SETD1B: variants seen among roughly 807,000 people sequenced by gnomAD.
The protein encoded by SETD1B is histone-lysine N-methyltransferase SETD1B.
Under a neutral mutation model 148.0 loss-of-function variants are expected in SETD1B, and 7 were observed. The observed-to-expected ratio is 0.05, with a 90% CI of 0.03 to 0.09. The LOEUF (loss-of-function observed/expected upper bound fraction) is 0.09. Ranked by LOEUF, SETD1B falls within the 10% of genes least tolerant of loss-of-function variation. The pLI is 1.00. For missense variants in SETD1B, 2,155 were observed against 2,729.9 expected, an observed-to-expected ratio of 0.79 and a Z score of 4.69; for synonymous variants, 1,361 against 1,186.5, an observed-to-expected ratio of 1.15 and a Z score of -3.02.
At chr12:121,816,606 A>G (rs1415701777) in intron 7 of SETD1B, among the ~76,000 whole-genome samples, 1 of 152,262 alleles carries the variant, frequency 6.6e-6, no homozygotes, top group African/African-American at 2.4e-5. Context: ...AAGGCAGAGC[A>G]TTTCAGAACC....
intron 16 of SETD1B, 116 bp downstream of exon 16, chr12:121,828,186 C>G: frequency 7.2e-7 from 1 of 1,386,960 alleles, no homozygotes; most frequent in Non-Finnish European, 9.7e-7. Context: ...TTCCCAAGCT[C>G]AGGTTGGCCA....
chr12:121,820,010 C>A, intron 11 of SETD1B, 115 bp downstream of exon 11: 1 of 884,810 alleles, frequency 1.1e-6, no homozygotes. Context: ...CTCAGTTTCC[C>A]GTGTAAAACG....
the SETD1B span, among the ~76,000 whole-genome samples, chr12:121,792,832 G>A: frequency 6.6e-6 from 1 of 152,252 alleles, no homozygotes; most frequent in Non-Finnish European, 1.5e-5. Context: ...AGGTAGCGCA[G>A]CAATCCTGGA....
rs779883313 is a variant in SETD1B at position 121,810,434 on chromosome 12, G to T, written c.1489G>T (p.Asp497Tyr). ...CCCTGCAGGGCCAGAGAAACCCCAC[G>T]ACAGCCTGGACTCGCGCATCGAGAT... ...SSPAGPEKPH[D>Y]SLDSRIEMLL... Residue 497 changes from aspartate (D) to tyrosine (Y), a missense_variant, in exon 6 of 17, where the codon GAC (aspartate) becomes TAC (tyrosine). This residue lies in a region of SETD1B where 376 missense variants were observed against 385.0 expected (regional missense o/e 0.98). Transcript: ENST00000604567. The surrounding 1 kb of genome is among the most constrained non-coding windows in gnomAD (Gnocchi z 7.6). 1.9e-6 allele frequency: 3 copies of T among 1,549,196 alleles called. No homozygotes were observed. Among genetic ancestry groups the T allele is most frequent in the East Asian group, 2.4e-5 (1 of 40,918 alleles).
rs751125535 is a variant in SETD1B, at chr12:121,814,846, G to A, written c.2631G>A (p.Lys877=). 6.4e-7 allele frequency: 1 copy of A among 1,551,556 alleles called. No homozygotes were observed. Among genetic ancestry groups the A allele is most frequent in the East Asian group, 2.4e-5 (1 of 40,928 alleles). The stretch of plus-strand genomic sequence containing the variant: ...TCAAAGAACTCAAGGCCATCATGAA[G>A]CGTGACCTGAACCGCAAGATGGTGG... The part of the protein sequence containing the change: ...VVLKELKAIM[K]RDLNRKMVEV... Residue 877 remains lysine, a synonymous_variant, in exon 7 of 17, where the codon AAG becomes AAA. Transcript: ENST00000604567.
At position 121,825,061 on chromosome 12, in the gene SETD1B, C is replaced by T. The variant is rs924168398; in HGVS notation, c.5171-139C>T. The T allele has an allele frequency of 7.9e-5, 65 of 824,472 alleles. No individual in the cohort carries two copies. In the East Asian group the frequency reaches 1.2e-3, roughly 16 times the overall value. The allele number at this position is 824,472 out of a possible 1,614,324, so 51.1% of individuals were successfully genotyped here. A position where few individuals can be genotyped will look rare whatever the true frequency, so the allele number is the denominator to read the frequency against. ...AGCAGGGTTGGTCAGCGGGCAGCCA[C>T]GTGGAGGTGGCATGGGAGTGGGCAG... On this transcript the variant is annotated intron_variant, in intron 12 of 16. Transcript: ENST00000604567.
Position 121,814,642 on chromosome 12 carries a change from C to G in SETD1B, c.2427C>G (p.Leu809=). 1 of 1,547,836 alleles carries G rather than the reference C, an allele frequency of 6.5e-7. No homozygotes were observed. Among genetic ancestry groups the G allele is most frequent in the Non-Finnish European group, 8.7e-7 (1 of 1,145,560 alleles). Residue 809 remains leucine (L), a synonymous_variant, in exon 7 of 17, where the codon CTC becomes CTG. Coordinates refer to ENST00000604567, the MANE Select transcript of SETD1B (RefSeq NM_001353345.2). ...AAAAAAASAG[L]QFVNLPPYRG... is the part of the protein sequence containing the mutation. ...CGGCCGCCGCTGCCTCAGCTGGGCT[C>G]CAGTTTGTCAACCTGCCGCCCTACC...
intron 6 of SETD1B, among the ~76,000 whole-genome samples, chr12:121,811,690 TAGAC>T (rs1876041477): frequency 1.3e-5 from 2 of 152,056 alleles, no homozygotes; most frequent in African/African-American, 2.4e-5. Flanking sequence ...GTCAGGGGCT[TAGAC>T]AGAGCTCTGC....
chr12:121,820,378 T>A (rs1876511057), intron 11 of SETD1B, among the ~76,000 whole-genome samples: 2 of 152,258 alleles, frequency 1.3e-5, no homozygotes, highest in African/African-American at 4.8e-5. Context: ...GTTCTCAGGC[T>A]GTGCTGTCCA....
Position 121,808,177 on chromosome 12 carries a change from A to C in SETD1B, c.545-31A>C, listed in dbSNP as rs1202162297. ...GGGGGCTGCCCCATCCTGGAACCTC[A>C]CTGAGTTCCCCCTTTCCTGCCCATC... On this transcript the variant is annotated intron_variant, in intron 4 of 16. Coordinates refer to ENST00000604567, the MANE Select transcript of SETD1B (RefSeq NM_001353345.2). This position sits in a 1 kb window ranked among gnomAD's most constrained non-coding sequence, Gnocchi z 5.3. The C allele has an allele frequency of 2.6e-6, 4 of 1,513,818 alleles. No homozygotes were observed. The South Asian group carries it at 4.8e-5, about 18-fold the overall frequency. The allele number at this position is 1,513,818 out of a possible 1,614,324, so 93.8% of individuals were successfully genotyped here. A position where few individuals can be genotyped will look rare whatever the true frequency, so the allele number is the denominator to read the frequency against.
Position 121,821,436 on chromosome 12 carries a change from TA to T in SETD1B, c.3911-1039del, listed in dbSNP as rs554956574. 4.5e-3 allele frequency among the ~76,000 whole-genome samples: 523 copies of T among 116,344 alleles called. 1 individual carries two copies. The highest frequency in any genetic ancestry group is 4.6e-3 in the South Asian group (17 of 3,714). The allele number at this position is 116,344 out of a possible 152,430, so 76.3% of individuals were successfully genotyped here. On this transcript the variant is annotated intron_variant, in intron 11 of 16. Transcript: ENST00000604567. ...CCTGGGCGATAGAGTGAGACTGTCT[TA>T]AAAAAAAAAAAAAAGAAAGAAAAAG...
chr12:121,804,822 T>C lies in SETD1B; in HGVS notation c.85T>C (p.Trp29Arg), dbSNP rs1875643602. 2 of 1,548,872 alleles carry C rather than the reference T, an allele frequency of 1.3e-6. No individual in the cohort carries two copies. Residue 29 changes from tryptophan (W) to arginine (R), a missense_variant, in exon 2 of 17, where the codon TGG becomes CGG. By Grantham distance (101) the Trp-to-Arg change is moderately radical (BLOSUM62 -3). This residue lies in a region of SETD1B where 124 missense variants were observed against 282.9 expected (regional missense o/e 0.44). Coordinates refer to ENST00000604567, the MANE Select transcript of SETD1B (RefSeq NM_001353345.2). The surrounding 1 kb of genome is among the most constrained non-coding windows in gnomAD (Gnocchi z 4.6). ...TTCGGGCGAGAGGAGGAACCACCAT[T>C]GGAGAAGTTACAAGTTGATGATTGA... ...GPSGERRNHHWRSYKLMIDPA... is the reference protein window; with the variant it reads ...GPSGERRNHHRRSYKLMIDPA...
chr12:121,797,359 GC>G, the SETD1B span: 1 of 435,510 alleles, frequency 2.3e-6, no homozygotes, highest in Non-Finnish European at 4.6e-6. Context: ...GCCAGCAGCG[GC>G]CCCGCCCCGC....
At chr12:121,801,840 G>C (rs762292462), upstream of SETD1B, 15 of 152,300 alleles carry the variant, frequency 9.8e-5, no homozygotes, top group Admixed American at 7.2e-4. Context: ...TCGTCATTAA[G>C]AGACAAAAGG....
chr12:121,814,302 C>T lies in SETD1B; in HGVS notation c.2087C>T (p.Pro696Leu), dbSNP rs1157740302. 8.0e-7 allele frequency: 1 copy of T among 1,247,830 alleles called. No individual in the cohort carries two copies. The highest frequency in any genetic ancestry group is 1.1e-6 in the Non-Finnish European group (1 of 921,174). 77.3% of individuals were successfully genotyped at this position (1,247,830 alleles called of 1,614,324 possible). ...GFPPLPPPPP[P>L]PPPQPGFPMP... ...CCCCCGCTGCCCCCCCCACCACCAC[C>T]ACCCCCACCGCAGCCTGGCTTCCCC... is the stretch of plus-strand genomic sequence containing the variant. Residue 696 changes from proline to leucine, a missense_variant, in exon 7 of 17, where the codon CCA (proline) becomes CTA (leucine). Around this residue, in one of 11 missense-constraint regions of SETD1B, gnomAD observed 295 missense variants for 303.8 expected, o/e 0.97. Coordinates refer to ENST00000604567, the MANE Select transcript of SETD1B (RefSeq NM_001353345.2).
chr12:121,791,104 C>T, the SETD1B span, among the ~76,000 whole-genome samples: 2 of 151,474 alleles, frequency 1.3e-5, no homozygotes, highest in South Asian at 2.1e-4. Context: ...GAACTCCTGG[C>T]TTCAAGCAAT....
chr12:121,828,215 G>A lies in SETD1B; in HGVS notation c.5727+145G>A, dbSNP rs992424049. On this transcript the variant is annotated intron_variant, in intron 16 of 16. Transcript: ENST00000604567. Reference sequence around the variant, plus strand: ...TTGGCCAAGGGTTATAGGGAGAGGAGGACATGTGAGGTCTTTTACCAGGAG... The same window carrying A: ...TTGGCCAAGGGTTATAGGGAGAGGAAGACATGTGAGGTCTTTTACCAGGAG... 7 of 1,027,238 alleles carry A rather than the reference G, an allele frequency of 6.8e-6. No individual in the cohort carries two copies. In the African/African-American group the frequency reaches 8.0e-5, roughly 12 times the overall value. 63.6% of individuals were successfully genotyped at this position (1,027,238 alleles called of 1,614,324 possible).
the SETD1B span, chr12:121,794,172 C>T: frequency 6.5e-6 from 1 of 153,138 alleles, no homozygotes; most frequent in African/African-American, 2.4e-5. Context: ...TCAGCTTCCC[C>T]ACAGGAGGTA....
Position 121,817,440 on chromosome 12 carries a change from C to T in SETD1B, c.3048C>T (p.Gly1016=), listed in dbSNP as rs758810106. Residue 1016 remains glycine, a synonymous_variant, in exon 9 of 17, where the codon GGC becomes GGT. Coordinates refer to ENST00000604567, the MANE Select transcript of SETD1B (RefSeq NM_001353345.2). This position sits in a 1 kb window ranked among gnomAD's most constrained non-coding sequence, Gnocchi z 8.1. ...PCELAKRDPK[G]VGVRRRPARP... ...AGCTCGCCAAGCGGGACCCCAAGGG[C>T]GTGGGTGTGCGGCGGCGGCCGGCGC... 1.7e-5 allele frequency: 27 copies of T among 1,545,870 alleles called. No homozygotes were observed. Among genetic ancestry groups the T allele is most frequent in the African/African-American group, 9.6e-5 (7 of 72,960 alleles).
Sources: allele counts gnomAD v4.1 joint callset (sites outside exome capture counted in the v4.1 genomes callset), GRCh38; gene constraint gnomAD v4.1.1; regional missense constraint gnomAD v4.1.1; non-coding constraint Gnocchi (gnomAD v3.1); transcripts MANE v1.5; gene names NCBI Gene and HGNC (gene_info 2026-07-23, HGNC 2026-07-21).